WWC1: variants seen among roughly 807,000 people sequenced by gnomAD.
The protein encoded by WWC1 is WW and C2 domain containing 1.
In WWC1, 55 loss-of-function variants were observed where a neutral mutation model predicts 138.4. The observed-to-expected ratio is 0.40, with a 90% confidence interval of 0.32 to 0.50. The LOEUF (loss-of-function observed/expected upper bound fraction) is 0.50, where lower values mean the gene tolerates loss of function less well. WWC1 is among the 20% of genes least tolerant of loss of function. The pLI is 0.72. For missense variants in WWC1, 1,226 were observed against 1,420.4 expected, an observed-to-expected ratio of 0.86 and a Z score of 2.20; for synonymous variants, 524 against 564.9, an observed-to-expected ratio of 0.93 and a Z score of 1.03.
Position 168,422,051 on chromosome 5 carries a change from G to A in WWC1, c.1228G>A (p.Glu410Lys). Residue 410 changes from glutamate (E) to lysine (K), a missense_variant, in exon 10 of 23, where the codon GAG becomes AAG. Glu to Lys is a moderately conservative substitution (Grantham distance 56). This residue lies in a region of WWC1 where 1,016 missense variants were observed against 1,153.9 expected (regional missense o/e 0.88). Coordinates refer to ENST00000265293, the MANE Select transcript of WWC1 (RefSeq NM_015238.3). ...GAGGAACCAGCTTGTGAGAGAACTG[G>A]AGGAAGCCACCCGGCAGGTGGCAAC... ...SKRNQLVREL[E>K]EATRQVATLH... 1 of 1,612,844 alleles carries A rather than the reference G, an allele frequency of 6.2e-7. No homozygotes were observed. Among genetic ancestry groups the A allele is most frequent in the African/African-American group, 1.3e-5 (1 of 75,010 alleles).
At chr5:168,296,936 C>T (rs1446529886) in intron 1 of WWC1, among the ~76,000 whole-genome samples, 1 of 152,198 alleles carries the variant, frequency 6.6e-6, no homozygotes, top group African/African-American at 2.4e-5. Flanking sequence ...ATTTCACTTA[C>T]CTGTGACCAT....
At chr5:168,364,587 C>T (rs1561661982) in intron 1 of WWC1, among the ~76,000 whole-genome samples, 1 of 152,212 alleles carries the variant, frequency 6.6e-6, no homozygotes, top group African/African-American at 2.4e-5. Flanking sequence ...AGCGTCTGAG[C>T]CCTCGTAGTG....
intron 2 of WWC1, among the ~76,000 whole-genome samples, chr5:168,378,006 C>G (rs1291005726): frequency 6.6e-6 from 1 of 152,154 alleles, no homozygotes; most frequent in Non-Finnish European, 1.5e-5. Context: ...TTCCTAATAT[C>G]AAAGACATGG....
At chr5:168,460,263 C>T (rs1410159629) in intron 19 of WWC1, among the ~76,000 whole-genome samples, 5 of 152,198 alleles carry the variant, frequency 3.3e-5, no homozygotes, top group Non-Finnish European at 5.9e-5. Context: ...TCTGAAGTCA[C>T]GCTGGCCAGT....
intron 1 of WWC1, among the ~76,000 whole-genome samples, chr5:168,348,756 T>C (rs1047409590): frequency 9.2e-5 from 14 of 152,112 alleles, no homozygotes; most frequent in Admixed American, 8.5e-4. Context: ...ATCCTGAAGG[T>C]AGCCCAGAAG....
At chr5:168,299,779 A>G (rs1377984506) in intron 1 of WWC1, among the ~76,000 whole-genome samples, 5 of 152,178 alleles carry the variant, frequency 3.3e-5, no homozygotes, top group Non-Finnish European at 7.3e-5. Flanking sequence ...GAAGGTGGCC[A>G]CCGTCTTGCT....
At chr5:168,320,338 A>G (rs1199852897) in intron 1 of WWC1, among the ~76,000 whole-genome samples, 1 of 152,162 alleles carries the variant, frequency 6.6e-6, no homozygotes, top group African/African-American at 2.4e-5. Context: ...CCTGGCCCAT[A>G]TGCTTTTTAA....
intron 20 of WWC1, 51 bp downstream of exon 20, chr5:168,460,793 C>G: frequency 6.3e-7 from 1 of 1,583,734 alleles, no homozygotes. Context: ...CCCTCGTTGC[C>G]CCAAGCCCTG....
chr5:168,334,550 C>G lies in WWC1; in HGVS notation c.120-36874C>G, dbSNP rs188947641. 2.6e-4 allele frequency among the ~76,000 whole-genome samples: 40 copies of G among 152,180 alleles called. 1 individual carries two copies. Among genetic ancestry groups the G allele is most frequent in the African/African-American group, 3.9e-4 (16 of 41,526 alleles). ...TGAGGAGTAAGATCAGACCCTCCCC[C>G]CTCCACCCCCATTTACAGTCTCATG... On this transcript the variant is annotated intron_variant, in intron 1 of 22. Transcript: ENST00000265293.
chr5:168,378,545 G>A (rs982548897), intron 2 of WWC1, among the ~76,000 whole-genome samples: 3 of 152,120 alleles, frequency 2.0e-5, no homozygotes, highest in African/African-American at 7.2e-5. Flanking sequence ...GACTCTTTGT[G>A]TATGTTACTT....
At chr5:168,347,738 A>T (rs1335546740) in intron 1 of WWC1, among the ~76,000 whole-genome samples, 1 of 152,088 alleles carries the variant, frequency 6.6e-6, no homozygotes, top group Non-Finnish European at 1.5e-5. Context: ...CTTTTCTTTT[A>T]CAGAGTCATT....
In WWC1 at chr5:168,292,993, C is replaced by A. The variant is rs1373255243; in HGVS notation, c.119+722C>A. ...GCCTCCCGGAAAGCCTTGCCCCTCG[C>A]CTCTTTCTCCTCTCTTTCTTCCCTG... On this transcript the variant is annotated intron_variant, in intron 1 of 22. Transcript: ENST00000265293. This position sits in a 1 kb window ranked among gnomAD's most constrained non-coding sequence, Gnocchi z 4.4. Among the ~76,000 whole-genome samples, 1 of 152,150 alleles carries A rather than the reference C, an allele frequency of 6.6e-6. No homozygotes were observed. The highest frequency in any genetic ancestry group is 1.5e-5 in the Non-Finnish European group (1 of 68,012).
chr5:168,326,321 G>A (rs1772545674), intron 1 of WWC1, among the ~76,000 whole-genome samples: 2 of 148,662 alleles, frequency 1.3e-5, no homozygotes, highest in Non-Finnish European at 3.0e-5. Context: ...AGGTTCAAGC[G>A]ACTCTCCTGC....
At position 168,464,618 on chromosome 5, in the gene WWC1, C is replaced by T. The variant is rs892678906; in HGVS notation, c.2917-111C>T. On this transcript the variant is annotated intron_variant, in intron 20 of 22. Transcript: ENST00000265293. ...TTCCCAGGGAAGGGCAAGCCCCATT[C>T]GGAAGGAGTGGATGCCTACAAGAGA... 111 of 1,480,400 alleles carry T rather than the reference C, an allele frequency of 7.5e-5. No homozygotes were observed. The African/African-American group carries it at 1.3e-3, about 18-fold the overall frequency. The allele number at this position is 1,480,400 out of a possible 1,614,324, so 91.7% of individuals were successfully genotyped here.
chr5:168,300,770 T>C (rs1320961071), intron 1 of WWC1, among the ~76,000 whole-genome samples: 1 of 152,042 alleles, frequency 6.6e-6, no homozygotes, highest in Non-Finnish European at 1.5e-5. Flanking sequence ...ACTGGCTTCC[T>C]CCCCGCCCAG....
intron 15 of WWC1, among the ~76,000 whole-genome samples, chr5:168,438,477 C>G (rs1401211764): frequency 6.6e-6 from 1 of 152,186 alleles, no homozygotes; most frequent in African/African-American, 2.4e-5. Context: ...TTCCTGAGGC[C>G]TCCCCAGCCA....
intron 9 of WWC1, among the ~76,000 whole-genome samples, chr5:168,419,487 T>C (rs1194350647): frequency 3.9e-5 from 6 of 152,182 alleles, no homozygotes; most frequent in Non-Finnish European, 7.3e-5. Flanking sequence ...CCCCATACAG[T>C]GCAGCAACTT....
chr5:168,380,995 T>C (rs182989476), intron 2 of WWC1, among the ~76,000 whole-genome samples: 96 of 152,024 alleles, frequency 6.3e-4, no homozygotes, highest in East Asian at 3.5e-3. Context: ...CAGGGGATCA[T>C]TGGGGTAAAG....
At chr5:168,304,330 A>G (rs1770361817) in intron 1 of WWC1, among the ~76,000 whole-genome samples, 1 of 152,224 alleles carries the variant, frequency 6.6e-6, no homozygotes, top group African/African-American at 2.4e-5. Flanking sequence ...CTAGTAGACA[A>G]TGACTTTTGC....
Sources: gnomAD v4.1 joint callset for allele counts (sites outside exome capture counted in the v4.1 genomes callset) on GRCh38, gnomAD v4.1.1 for gene constraint, gnomAD v4.1.1 regional missense constraint, Gnocchi (gnomAD v3.1) non-coding constraint, MANE v1.5 for transcripts, NCBI Gene and HGNC (gene_info 2026-07-23, HGNC 2026-07-21) for gene names.